HIF3A: variants seen among roughly 807,000 people sequenced by gnomAD.
HIF3A encodes the protein hypoxia-inducible factor 3-alpha.
A neutral mutation model predicts 67.2 loss-of-function variants in HIF3A; 41 were observed. That is an observed-to-expected ratio of 0.61 (90% CI 0.48 to 0.79). The LOEUF (loss-of-function observed/expected upper bound fraction) is 0.79. HIF3A is among the 30% of genes least tolerant of loss of function. The pLI, the probability that HIF3A is intolerant of heterozygous loss-of-function variation, is 0.00. For missense variants in HIF3A, 855 were observed against 898.0 expected, an observed-to-expected ratio of 0.95 and a Z score of 0.61; for synonymous variants, 356 against 374.8, an observed-to-expected ratio of 0.95 and a Z score of 0.58.
In HIF3A at chr19:46,339,788, G is replaced by C; in HGVS notation, c.*166G>C. On this transcript the variant is annotated 3_prime_UTR_variant, in exon 15 of 15. Transcript: ENST00000377670. The stretch of plus-strand genomic sequence containing the variant: ...TACCTCAGCCCTCACCCCTCTGCCT[G>C]CTCCCAATCTGGGGGCTCTCTGGGG... 1 of 448,450 alleles carries C rather than the reference G, an allele frequency of 2.2e-6. No individual in the cohort carries two copies. The highest frequency in any genetic ancestry group is 5.4e-5 in the South Asian group (1 of 18,360). 27.8% of individuals were successfully genotyped at this position (448,450 alleles called of 1,614,324 possible). A position where few individuals can be genotyped will look rare whatever the true frequency, so the allele number is the denominator to read the frequency against.
At chr19:46,321,358 C>T (rs1412706557) in intron 9 of HIF3A, among the ~76,000 whole-genome samples, 2 of 152,060 alleles carry the variant, frequency 1.3e-5, no homozygotes, top group African/African-American at 2.4e-5. Flanking sequence ...CCGAGGTGGG[C>T]GGATCACTTG....
chr19:46,329,147 T>G, intron 11 of HIF3A, 60 bp from the exon 12 acceptor site: 1 of 1,493,690 alleles, frequency 6.7e-7, no homozygotes, highest in East Asian at 2.3e-5. Flanking sequence ...TGCTGGGACT[T>G]CAGCCAAGGT....
intron 8 of HIF3A, among the ~76,000 whole-genome samples, chr19:46,317,448 G>A (rs553848820): frequency 6.6e-6 from 1 of 152,238 alleles, no homozygotes; most frequent in East Asian, 1.9e-4. Context: ...GCGTTGGTGT[G>A]GTTCACCAGG....
chr19:46,318,923 A>AT (rs1465246582), intron 8 of HIF3A, among the ~76,000 whole-genome samples: 4 of 152,138 alleles, frequency 2.6e-5, no homozygotes, highest in African/African-American at 9.6e-5. Flanking sequence ...GCCTGGCCTA[A>AT]TTTTAACAAT....
Position 46,339,535 on chromosome 19 carries a change from C to A in HIF3A, c.1923C>A (p.Pro641=). The A allele has an allele frequency of 6.3e-7, 1 of 1,594,042 alleles. No homozygotes were observed. Among genetic ancestry groups the A allele is most frequent in the Non-Finnish European group, 8.6e-7 (1 of 1,168,924 alleles). ...CTTTCATCTTTGCAGGCCTGGGCCC[C>A]TCACTGCTCTCTCCGTACTCAGACG... ...LNLNEPLGLG[P]SLLSPYSDED... The change falls in exon 15 of 15, where the codon CCC becomes CCA. Residue 641 remains proline (P), a synonymous_variant. Transcript: ENST00000377670.
At chr19:46,326,822 A>G (rs11672731) in intron 11 of HIF3A, among the ~76,000 whole-genome samples, 14,694 of 152,112 alleles carry the variant, frequency 0.097, 1,082 homozygotes, top group East Asian at 0.31. Flanking sequence ...TGAAATCCAT[A>G]TGGGAAAATA....
intron 8 of HIF3A, among the ~76,000 whole-genome samples, chr19:46,313,910 C>A (rs979908918): frequency 2.0e-5 from 3 of 152,084 alleles, no homozygotes; most frequent in East Asian, 3.9e-4. Context: ...GATCCACCCC[C>A]CTCAGCCTCC....
At position 46,309,265 on chromosome 19, in the gene HIF3A, A is replaced by G; in HGVS notation, c.676A>G (p.Ile226Val). 1 of 1,613,856 alleles carries G rather than the reference A, an allele frequency of 6.2e-7. No homozygotes were observed. The highest frequency in any genetic ancestry group is 1.3e-5 in the African/African-American group (1 of 75,038). ...LQCLVLICEA[I>V]PHPGSLEPPL... Reference sequence around the variant, plus strand: ...GTGCCTGGTGCTCATCTGCGAAGCCATCCCCCACCCAGGCAGCCTGGAGCC... The same window carrying G: ...GTGCCTGGTGCTCATCTGCGAAGCCGTCCCCCACCCAGGCAGCCTGGAGCC... Residue 226 changes from isoleucine to valine, a missense_variant, in exon 6 of 15, where the codon ATC (isoleucine) becomes GTC (valine). Transcript: ENST00000377670.
chr19:46,301,686 C>T lies in HIF3A; in HGVS notation c.27-2212C>T, dbSNP rs889321213. On this transcript the variant is annotated intron_variant, in intron 1 of 14. Coordinates refer to ENST00000377670, the MANE Select transcript of HIF3A (RefSeq NM_152795.4). ...ACTAAAAATACAAAAATTAGCCGGG[C>T]GTGGTGGCAGATGTCTGTAATCCCA... 3.3e-5 allele frequency among the ~76,000 whole-genome samples: 5 copies of T among 151,930 alleles called. No homozygotes were observed. In the South Asian group the frequency reaches 6.2e-4, roughly 19 times the overall value.
At chr19:46,324,985 T>TTGTGTGTGTGTGTGTGTG (rs542186240) in intron 10 of HIF3A, among the ~76,000 whole-genome samples, 40 of 127,928 alleles carry the variant, frequency 3.1e-4, no homozygotes, top group Middle Eastern at 3.9e-3. Flanking sequence ...CACACATATA[T>TTGTGTGTGTGTGTGTGTG]TGTGTGTGTG....
intron 10 of HIF3A, among the ~76,000 whole-genome samples, chr19:46,323,222 T>C (rs1240567793): frequency 6.6e-6 from 1 of 152,008 alleles, no homozygotes; most frequent in African/African-American, 2.4e-5. Flanking sequence ...AGTTAATTTT[T>C]TTATTTTTAG....
At chr19:46,301,803 C>G (rs1217628316) in intron 1 of HIF3A, among the ~76,000 whole-genome samples, 1 of 144,626 alleles carries the variant, frequency 6.9e-6, no homozygotes, top group Non-Finnish European at 1.5e-5. Context: ...GCCTGGCTGA[C>G]ACAGTGAAAC....
Position 46,329,402 on chromosome 19 carries a change from GA to G in HIF3A, c.1637del (p.Asp546AlafsTer4). On this transcript the variant is annotated frameshift_variant, in exon 12 of 15. Transcript: ENST00000377670. LOFTEE classifies it high-confidence loss of function. ...EPSLLPRWGS[D>X]PRLSCSSPSR... Reference sequence around the variant, plus strand: ...CTCCCTGCTACCCCGCTGGGGGAGTGACCCCCGGCTGAGCTGCTCCAGCCCT... The same window carrying G: ...CTCCCTGCTACCCCGCTGGGGGAGTGCCCCCGGCTGAGCTGCTCCAGCCCT... 6.8e-6 allele frequency: 11 copies of G among 1,606,740 alleles called. No homozygotes were observed. Among genetic ancestry groups the G allele is most frequent in the Non-Finnish European group, 8.5e-6 (10 of 1,175,800 alleles).
intron 8 of HIF3A, among the ~76,000 whole-genome samples, chr19:46,317,354 C>T (rs1049983120): frequency 2.0e-5 from 3 of 152,090 alleles, no homozygotes; most frequent in Non-Finnish European, 2.9e-5. Flanking sequence ...CATGCCAGGC[C>T]TACAAATCAA....
chr19:46,306,658 T>A (rs1968879308), intron 3 of HIF3A: 1 of 152,198 alleles, frequency 6.6e-6, no homozygotes, highest in Non-Finnish European at 1.5e-5. Context: ...CTCACATAAA[T>A]AGGCTCCATA....
chr19:46,334,861 CTAA>C, intron 13 of HIF3A, 41 bp from the exon 14 acceptor site: 1 of 1,508,342 alleles, frequency 6.6e-7, no homozygotes, highest in African/African-American at 1.4e-5. Flanking sequence ...TCCTTGGATA[CTAA>C]TGATGATGAT....
At chr19:46,331,833 C>T (rs559518766) in intron 13 of HIF3A, among the ~76,000 whole-genome samples, 1 of 108,154 alleles carries the variant, frequency 9.2e-6, no homozygotes, top group Admixed American at 1.2e-4. Flanking sequence ...CCAGTCTAGG[C>T]AACAAGAGTG....
chr19:46,335,339 G>A (rs1212371025), intron 14 of HIF3A, among the ~76,000 whole-genome samples: 4 of 151,476 alleles, frequency 2.6e-5, no homozygotes, highest in African/African-American at 2.4e-5. Context: ...GCATGATCTC[G>A]GCTCACTGCA....
In HIF3A at chr19:46,310,225, G is replaced by A. The variant is rs571243620; in HGVS notation, c.770+866G>A. Among the ~76,000 whole-genome samples the A allele has an allele frequency of 3.3e-5, 5 of 150,148 alleles. No homozygotes were observed. In the East Asian group the frequency reaches 5.9e-4, roughly 18 times the overall value. On this transcript the variant is annotated intron_variant, in intron 6 of 14. Transcript: ENST00000377670. ...AGGCAACAGAACAAGACTCCGTCTC[G>A]AAAAAGAAAAAAAAGAAAAAATTTG...
Sources: gnomAD v4.1 joint callset for allele counts (sites outside exome capture counted in the v4.1 genomes callset) on GRCh38, gnomAD v4.1.1 for gene constraint, MANE v1.5 for transcripts, NCBI Gene and HGNC (gene_info 2026-07-23, HGNC 2026-07-21) for gene names.